ARSB: variants seen among roughly 807,000 people sequenced by gnomAD.
ARSB encodes N-acetylgalactosamine-4-sulfatase.
In ARSB, 41 loss-of-function variants were observed where a neutral mutation model predicts 50.9. That is an observed-to-expected ratio of 0.81 (90% CI 0.63 to 1.04). The LOEUF (loss-of-function observed/expected upper bound fraction) is 1.04. ARSB is among the 50% of genes least tolerant of loss of function. The pLI is 0.00. For missense variants in ARSB, 672 were observed against 693.3 expected, an observed-to-expected ratio of 0.97 and a Z score of 0.35; for synonymous variants, 269 against 284.8, an observed-to-expected ratio of 0.94 and a Z score of 0.56.
chr5:78,803,919 G>A (rs1743478877), intron 6 of ARSB, among the ~76,000 whole-genome samples: 1 of 152,198 alleles, frequency 6.6e-6, no homozygotes, highest in African/African-American at 2.4e-5. Flanking sequence ...TTCCCTGCAG[G>A]CAAGGAGCTG....
intron 4 of ARSB, among the ~76,000 whole-genome samples, chr5:78,892,936 G>T (rs1051498055): frequency 2.0e-5 from 3 of 152,168 alleles, no homozygotes; most frequent in African/African-American, 7.2e-5. Flanking sequence ...GCGACTGGCA[G>T]CCAGGCACCA....
chr5:78,814,674 T>A (rs1157733721), intron 6 of ARSB, among the ~76,000 whole-genome samples: 1 of 150,864 alleles, frequency 6.6e-6, no homozygotes, highest in East Asian at 1.9e-4. Flanking sequence ...GTTATCTTTA[T>A]GTATGTCTAC....
At chr5:78,831,056 G>C (rs1744653558) in intron 6 of ARSB, among the ~76,000 whole-genome samples, 1 of 152,086 alleles carries the variant, frequency 6.6e-6, no homozygotes, top group East Asian at 1.9e-4. Context: ...ATTAAAACTA[G>C]AGAAATACAT....
chr5:78,896,589 T>C (rs1194419928), intron 4 of ARSB, among the ~76,000 whole-genome samples: 1 of 152,252 alleles, frequency 6.6e-6, no homozygotes, highest in Non-Finnish European at 1.5e-5. Flanking sequence ...ATGGATATAA[T>C]AATTGTGTTA....
chr5:78,875,737 G>A (rs1229970422), intron 5 of ARSB, among the ~76,000 whole-genome samples: 3 of 151,360 alleles, frequency 2.0e-5, no homozygotes, highest in African/African-American at 7.3e-5. Flanking sequence ...GCGCAATCTC[G>A]GCTCACTGCA....
chr5:78,803,553 T>A (rs1743468127), intron 6 of ARSB, among the ~76,000 whole-genome samples: 1 of 152,206 alleles, frequency 6.6e-6, no homozygotes, highest in African/African-American at 2.4e-5. Context: ...CTGGCCTTGG[T>A]CCACTGGGGC....
intron 6 of ARSB, among the ~76,000 whole-genome samples, chr5:78,802,297 A>T (rs1413281205): frequency 6.6e-6 from 1 of 150,624 alleles, no homozygotes; most frequent in Admixed American, 6.6e-5. Context: ...ATATTCATTT[A>T]ATATATTTAA....
At chr5:78,831,779 T>C (rs190466025) in intron 6 of ARSB, among the ~76,000 whole-genome samples, 10 of 152,334 alleles carry the variant, frequency 6.6e-5, no homozygotes, top group African/African-American at 2.4e-4. Context: ...GAGCAATCTG[T>C]AGCAGGGTGA....
Position 78,885,571 on chromosome 5 carries a change from A to G in ARSB, c.1142+13T>C. On this transcript the variant is annotated intron_variant, in intron 5 of 7. Transcript: ENST00000264914. ...TTTCTGTCCTGGGAGGAAAAAGGGC[A>G]GGGTGTAGGTACCTGATGGTTTTCC... The G allele has an allele frequency of 6.2e-7, 1 of 1,612,340 alleles. No homozygotes were observed. Among genetic ancestry groups the G allele is most frequent in the Non-Finnish European group, 8.5e-7 (1 of 1,179,700 alleles).
intron 1 of ARSB, among the ~76,000 whole-genome samples, chr5:78,978,431 T>C (rs1752758037): frequency 6.6e-6 from 1 of 152,020 alleles, no homozygotes; most frequent in African/African-American, 2.4e-5. Context: ...ACTCTCCAAA[T>C]AGTTTTACAG....
At chr5:78,824,037 G>GTTCATGTTT (rs2112680764) in intron 6 of ARSB, among the ~76,000 whole-genome samples, 1 of 152,252 alleles carries the variant, frequency 6.6e-6, no homozygotes, top group African/African-American at 2.4e-5. Flanking sequence ...GTCTTGTTCT[G>GTTCATGTTT]TTCATGTTTT....
intron 1 of ARSB, among the ~76,000 whole-genome samples, chr5:78,976,962 C>G (rs1752696713): frequency 6.6e-6 from 1 of 152,178 alleles, no homozygotes; most frequent in Non-Finnish European, 1.5e-5. Context: ...AGCTTTGCTT[C>G]TGTTGCTCCT....
At chr5:78,978,629 A>T (rs895910768) in intron 1 of ARSB, among the ~76,000 whole-genome samples, 1 of 152,228 alleles carries the variant, frequency 6.6e-6, no homozygotes, top group African/African-American at 2.4e-5. Flanking sequence ...AGCTACAGCA[A>T]TCAAGACAGT....
At chr5:78,859,391 C>T (rs1222935860) in intron 5 of ARSB, among the ~76,000 whole-genome samples, 1 of 152,118 alleles carries the variant, frequency 6.6e-6, no homozygotes, top group Non-Finnish European at 1.5e-5. Context: ...ATAATCTTTT[C>T]CTATTCATTA....
chr5:78,883,398 CAA>C (rs550969680), intron 5 of ARSB: 43 of 152,186 alleles, frequency 2.8e-4, no homozygotes, highest in African/African-American at 1.0e-3. Context: ...TCACTGTCTC[CAA>C]ACTGACAAAT....
intron 5 of ARSB, among the ~76,000 whole-genome samples, chr5:78,839,849 A>G (rs1297045411): frequency 6.6e-6 from 1 of 152,238 alleles, no homozygotes; most frequent in Non-Finnish European, 1.5e-5. Flanking sequence ...CATGCCTCTT[A>G]AAGAGTAACC....
rs147891794 is a variant in ARSB, at chr5:78,957,322, A to G, written c.691-1820T>C. ...TCATATTTCATTCTTCATTGTTGAC[A>G]AGTTGTTTTAAATTTTATATTACAC... On this transcript the variant is annotated intron_variant, in intron 3 of 7. Transcript: ENST00000264914. Among the ~76,000 whole-genome samples the G allele has an allele frequency of 5.3e-5, 8 of 152,290 alleles. No individual in the cohort carries two copies. In the East Asian group the frequency reaches 1.5e-3, roughly 29 times the overall value.
chr5:78,849,718 G>GTAT (rs1745656635), intron 5 of ARSB, among the ~76,000 whole-genome samples: 1 of 139,700 alleles, frequency 7.2e-6, no homozygotes, highest in South Asian at 2.5e-4. Flanking sequence ...CCATTTGTTT[G>GTAT]TATCCTCTTT....
chr5:78,892,190 G>GT (rs1748331596), intron 4 of ARSB, among the ~76,000 whole-genome samples: 1 of 147,732 alleles, frequency 6.8e-6, no homozygotes, highest in African/African-American at 2.5e-5. Flanking sequence ...AAAACATCAC[G>GT]TTTTCATAAG....
Sources: allele counts gnomAD v4.1 joint callset (sites outside exome capture counted in the v4.1 genomes callset), GRCh38; gene constraint gnomAD v4.1.1; transcripts MANE v1.5; gene names NCBI Gene and HGNC (gene_info 2026-07-23, HGNC 2026-07-21).